NFIB: variants seen among roughly 807,000 people sequenced by gnomAD.
NFIB encodes nuclear factor 1 B-type.
NFIB carries 11 observed loss-of-function variants against 61.5 expected under a neutral mutation model. That is an observed-to-expected ratio of 0.18 (90% CI 0.11 to 0.30). The LOEUF is 0.30. NFIB is among the 10% of genes least tolerant of loss of function. The pLI, the probability that NFIB is intolerant of heterozygous loss-of-function variation, is 1.00. For synonymous variants in NFIB, 260 were observed against 216.5 expected, an observed-to-expected ratio of 1.20 and a Z score of -1.76; for missense variants, 471 against 608.9, an observed-to-expected ratio of 0.77 and a Z score of 2.38.
intron 2 of NFIB, among the ~76,000 whole-genome samples, chr9:14,261,017 C>CA (rs2056699523): frequency 6.6e-6 from 1 of 152,070 alleles, no homozygotes; most frequent in Non-Finnish European, 1.5e-5. Flanking sequence ...AAGACAACAG[C>CA]ATTTAAGACT....
intron 2 of NFIB, among the ~76,000 whole-genome samples, chr9:14,257,314 A>G (rs1427230821): frequency 6.6e-6 from 1 of 152,222 alleles, no homozygotes. Flanking sequence ...GCACAGCTGA[A>G]AAAAACTGTG....
At chr9:14,146,625 C>G (rs149061570) in intron 6 of NFIB, 64 bp downstream of exon 6, 2 of 1,608,268 alleles carry the variant, frequency 1.2e-6, no homozygotes, top group East Asian at 2.2e-5. Flanking sequence ...TTTGACTCAA[C>G]GAAACTTAAG....
At chr9:14,254,581 A>G (rs2056014835) in intron 2 of NFIB, among the ~76,000 whole-genome samples, 1 of 152,172 alleles carries the variant, frequency 6.6e-6, no homozygotes, top group Non-Finnish European at 1.5e-5. Context: ...TTTATTTTAC[A>G]GTACTCCCGT....
Position 14,125,559 on chromosome 9 carries a change from T to C in NFIB, c.1060+73A>G, listed in dbSNP as rs1219078118. 3 of 1,569,016 alleles carry C rather than the reference T, an allele frequency of 1.9e-6. No homozygotes were observed. The East Asian group carries it at 6.7e-5, about 35-fold the overall frequency. ...TTGCCATAGCTCTATTTATAAACTT[T>C]TGCTCCGTCCCTAAGGGGGTTAGGC... On this transcript the variant is annotated intron_variant, in intron 7 of 10. Coordinates refer to ENST00000380953, the MANE Select transcript of NFIB (RefSeq NM_001190737.2).
Position 14,307,524 on chromosome 9 carries a change from T to G in NFIB, c.31-4A>C. ...CGATGAATGGGTGAAATTCATCCTG[T>G]GGAAGACAGAGGGGTGAGGAAAAGA... On this transcript the variant is annotated splice_polypyrimidine_tract_variant and splice_region_variant and intron_variant, in intron 1 of 10. Coordinates refer to ENST00000380953, the MANE Select transcript of NFIB (RefSeq NM_001190737.2). This position sits in a 1 kb window ranked among gnomAD's most constrained non-coding sequence, Gnocchi z 5.3. 3 of 1,590,770 alleles carry G rather than the reference T, an allele frequency of 1.9e-6. No homozygotes were observed. Among genetic ancestry groups the G allele is most frequent in the Non-Finnish European group, 2.6e-6 (3 of 1,166,068 alleles).
intron 2 of NFIB, among the ~76,000 whole-genome samples, chr9:14,220,878 C>CACACACAA (rs2051574934): frequency 6.6e-6 from 1 of 151,200 alleles, no homozygotes; most frequent in African/African-American, 2.4e-5. Flanking sequence ...CACACACACA[C>CACACACAA]ACACACACCA....
At chr9:14,265,356 G>A (rs1324465274) in intron 2 of NFIB, among the ~76,000 whole-genome samples, 13 of 152,240 alleles carry the variant, frequency 8.5e-5, no homozygotes, top group East Asian at 3.9e-4. Flanking sequence ...CCTTTACGGA[G>A]GTAATTAAGA....
At chr9:14,409,232 T>A in the NFIB span, among the ~76,000 whole-genome samples, 2 of 152,194 alleles carry the variant, frequency 1.3e-5, no homozygotes, top group Admixed American at 1.3e-4. Flanking sequence ...GCTTTTCATA[T>A]AATTTATTTA....
chr9:14,519,717 C>T, the NFIB span, among the ~76,000 whole-genome samples: 2 of 152,116 alleles, frequency 1.3e-5, no homozygotes, highest in Non-Finnish European at 2.9e-5. Context: ...TCATCTAATC[C>T]TCACAACAAT....
chr9:14,420,496 G>C, the NFIB span, among the ~76,000 whole-genome samples: 1 of 117,654 alleles, frequency 8.5e-6, no homozygotes, highest in Non-Finnish European at 1.8e-5. Flanking sequence ...AGGCTGGAAA[G>C]ATAATCATTT....
chr9:14,396,400 AG>A (rs2061687368), intron 1 of NFIB, among the ~76,000 whole-genome samples: 1 of 152,204 alleles, frequency 6.6e-6, no homozygotes, highest in Admixed American at 6.5e-5. Context: ...TCATTGTCCC[AG>A]GAACTGTTGG....
At chr9:14,369,707 G>A (rs1051638627) in intron 1 of NFIB, among the ~76,000 whole-genome samples, 16 of 152,104 alleles carry the variant, frequency 1.1e-4, no homozygotes, top group Admixed American at 8.5e-4. Flanking sequence ...TAGTCACCAC[G>A]TTTTATTGTT....
At chr9:14,162,957 T>C (rs1587187549) in intron 3 of NFIB, among the ~76,000 whole-genome samples, 1 of 151,996 alleles carries the variant, frequency 6.6e-6, no homozygotes, top group Non-Finnish European at 1.5e-5. Context: ...TCTCCAACGG[T>C]GTTAAAGCAT....
intron 1 of NFIB, among the ~76,000 whole-genome samples, chr9:14,392,407 T>C (rs777598306): frequency 3.9e-5 from 6 of 152,212 alleles, no homozygotes; most frequent in Non-Finnish European, 7.3e-5. Context: ...TTACAACTTT[T>C]GTATAAGTCT....
chr9:14,423,348 G>A, the NFIB span, among the ~76,000 whole-genome samples: 9 of 152,236 alleles, frequency 5.9e-5, no homozygotes, highest in South Asian at 2.1e-4. Context: ...ATGTTTTCTC[G>A]TGCTAAAGCT....
chr9:14,313,245 C>T lies in NFIB; in HGVS notation c.30+237G>A, dbSNP rs1356941926. Among the ~76,000 whole-genome samples, 3 of 151,536 alleles carry T rather than the reference C, an allele frequency of 2.0e-5. No homozygotes were observed. Among genetic ancestry groups the T allele is most frequent in the Non-Finnish European group, 4.4e-5 (3 of 67,882 alleles). On this transcript the variant is annotated intron_variant, in intron 1 of 10. Transcript: ENST00000380953. The surrounding 1 kb of genome is among the most constrained non-coding windows in gnomAD (Gnocchi z 4.5). ...CTGCCCACCCCCCGGCGGCCTTGCC[C>T]GGCCCAGCGCCCGCGCTCCGTGCCC...
At chr9:14,368,482 C>G (rs1010989445) in intron 1 of NFIB, among the ~76,000 whole-genome samples, 1 of 152,180 alleles carries the variant, frequency 6.6e-6, no homozygotes, top group African/African-American at 2.4e-5. Context: ...ACAGGGCCAC[C>G]GTGTTTCACC....
chr9:14,350,289 G>A (rs1449618618), intron 1 of NFIB, among the ~76,000 whole-genome samples: 1 of 152,208 alleles, frequency 6.6e-6, no homozygotes, highest in Admixed American at 6.5e-5. Flanking sequence ...GGCATTCAGG[G>A]CAGCCTGCGA....
chr9:14,462,450 T>C, the NFIB span, among the ~76,000 whole-genome samples: 1 of 151,886 alleles, frequency 6.6e-6, no homozygotes, highest in Non-Finnish European at 1.5e-5. Context: ...GCCCGGCTAA[T>C]TTTTTGTATT....
Sources: gnomAD v4.1 joint callset for allele counts (sites outside exome capture counted in the v4.1 genomes callset) on GRCh38, gnomAD v4.1.1 for gene constraint, Gnocchi (gnomAD v3.1) non-coding constraint, MANE v1.5 for transcripts, NCBI Gene and HGNC (gene_info 2026-07-23, HGNC 2026-07-21) for gene names.